COL11A1: variants seen among roughly 807,000 people sequenced by gnomAD.
The protein encoded by COL11A1 is collagen alpha-1(XI) chain.
Under a neutral mutation model 265.2 loss-of-function variants are expected in COL11A1, and 74 were observed. That is an observed-to-expected ratio of 0.28 (90% CI 0.23 to 0.34). The LOEUF (loss-of-function observed/expected upper bound fraction) is 0.34. Among genes scored for constraint, COL11A1 ranks in the 10% least tolerant of loss-of-function variants. The pLI is 1.00. For synonymous variants in COL11A1, 816 were observed against 727.6 expected (o/e 1.12, Z -1.96); for missense variants, 2,165 against 2,263.6 (o/e 0.96, Z 0.88).
chr1:103,080,474 GA>G (rs1277017318), intron 2 of COL11A1, among the ~76,000 whole-genome samples: 2 of 151,556 alleles, frequency 1.3e-5, no homozygotes, highest in African/African-American at 2.4e-5. Context: ...CAACTCAATA[GA>G]AAAAAACAAG....
chr1:102,996,150 G>A (rs1664604904), intron 26 of COL11A1, 108 bp from the exon 27 acceptor site: 2 of 1,102,732 alleles, frequency 1.8e-6, no homozygotes, highest in South Asian at 1.4e-5. Context: ...TTTTTCTACT[G>A]CTAATATTTG....
intron 4 of COL11A1, among the ~76,000 whole-genome samples, chr1:103,055,058 G>A (rs929477047): frequency 1.3e-5 from 2 of 152,158 alleles, no homozygotes; most frequent in African/African-American, 4.8e-5. Flanking sequence ...AGGAAACAGG[G>A]AGACTGGATA....
chr1:102,910,141 T>C (rs1654473418), intron 54 of COL11A1, among the ~76,000 whole-genome samples: 3 of 151,968 alleles, frequency 2.0e-5, no homozygotes, highest in Admixed American at 2.0e-4. Context: ...GATTTACTGG[T>C]TCACACATAT....
chr1:102,933,670 C>T (rs1383086392), intron 46 of COL11A1, among the ~76,000 whole-genome samples: 2 of 152,250 alleles, frequency 1.3e-5, no homozygotes, highest in East Asian at 1.9e-4. Context: ...TGGGCAATGG[C>T]GGGCGCCCCT....
chr1:103,007,034 T>C (rs1665691648), intron 15 of COL11A1, among the ~76,000 whole-genome samples: 1 of 152,074 alleles, frequency 6.6e-6, no homozygotes. Context: ...ATATTTCTCC[T>C]TTCATTGCGC....
At chr1:102,967,303 C>T (rs1466635037) in intron 37 of COL11A1, among the ~76,000 whole-genome samples, 6 of 115,082 alleles carry the variant, frequency 5.2e-5, no homozygotes, top group Middle Eastern at 8.3e-3. Flanking sequence ...TGCAGTGGCG[C>T]GATCTCGGCT....
At chr1:102,983,638 T>A (rs1262648394) in intron 31 of COL11A1, among the ~76,000 whole-genome samples, 1 of 152,082 alleles carries the variant, frequency 6.6e-6, no homozygotes. Flanking sequence ...GATTTCATAC[T>A]TCTGTCCTCC....
intron 4 of COL11A1, among the ~76,000 whole-genome samples, chr1:103,057,565 TTATGAAAAG>T (rs560102185): frequency 2.6e-4 from 39 of 152,298 alleles, no homozygotes; most frequent in African/African-American, 7.7e-4. Flanking sequence ...AGCCATAGCA[TTATGAAAAG>T]TATTTCTTAA....
At chr1:103,027,014 ATAAT>A (rs1264273722) in intron 5 of COL11A1, among the ~76,000 whole-genome samples, 2 of 151,946 alleles carry the variant, frequency 1.3e-5, no homozygotes, top group African/African-American at 2.4e-5. Context: ...AGATGTGCTT[ATAAT>A]TAATACATAA....
intron 41 of COL11A1, among the ~76,000 whole-genome samples, chr1:102,955,209 A>G (rs909661820): frequency 3.3e-5 from 5 of 152,194 alleles, no homozygotes; most frequent in African/African-American, 1.2e-4. Context: ...TGCTGGAAGA[A>G]TAAGTAAAAG....
chr1:102,905,204 C>T (rs1255864199), intron 54 of COL11A1, among the ~76,000 whole-genome samples: 7 of 125,330 alleles, frequency 5.6e-5, no homozygotes, highest in African/African-American at 2.3e-4. Flanking sequence ...AAGGGAACAT[C>T]ACACACCAGG....
At chr1:103,048,251 T>A (rs1185560680) in intron 4 of COL11A1, among the ~76,000 whole-genome samples, 7 of 152,218 alleles carry the variant, frequency 4.6e-5, no homozygotes, top group Admixed American at 3.9e-4. Flanking sequence ...TTTTGGTTGT[T>A]AAGCTATTGA....
At chr1:102,907,480 C>T (rs893912056) in intron 54 of COL11A1, among the ~76,000 whole-genome samples, 2 of 152,028 alleles carry the variant, frequency 1.3e-5, no homozygotes, top group Non-Finnish European at 2.9e-5. Flanking sequence ...CTACATACCA[C>T]TCGTAACAAT....
chr1:102,989,252 A>ATGTG (rs147165560), intron 29 of COL11A1, among the ~76,000 whole-genome samples: 1 of 149,388 alleles, frequency 6.7e-6, no homozygotes, highest in Admixed American at 6.7e-5. Flanking sequence ...GTGTGTGTGC[A>ATGTG]TGTGTGTGTG....
intron 1 of COL11A1, among the ~76,000 whole-genome samples, chr1:103,083,202 T>G (rs1424814993): frequency 2.7e-5 from 4 of 150,942 alleles, no homozygotes; most frequent in African/African-American, 9.8e-5. Flanking sequence ...CAAATTATGG[T>G]TAAGCAACAC....
At chr1:103,043,296 A>T (rs186273900) in intron 4 of COL11A1, among the ~76,000 whole-genome samples, 16 of 151,270 alleles carry the variant, frequency 1.1e-4, no homozygotes, top group Admixed American at 9.3e-4. Context: ...CCAAACAGTA[A>T]GTTTAAGGAT....
chr1:102,913,497 A>C, intron 53 of COL11A1, 140 bp downstream of exon 53: 1 of 735,924 alleles, frequency 1.4e-6, no homozygotes, highest in Admixed American at 2.5e-5. Context: ...ATGGGAATTC[A>C]AAAATTTTTT....
intron 26 of COL11A1, among the ~76,000 whole-genome samples, chr1:102,996,658 G>T (rs1664660410): frequency 6.6e-6 from 1 of 151,686 alleles, no homozygotes; most frequent in African/African-American, 2.4e-5. Flanking sequence ...TACTAACATT[G>T]AATATGCACA....
Position 103,008,803 on chromosome 1 carries a change from A to C in COL11A1, c.1630-287T>G, listed in dbSNP as rs562963655. On this transcript the variant is annotated intron_variant, in intron 14 of 66. Transcript: ENST00000370096. ...CATTGAAATTGTCTTTTGTGTGTGC[A>C]CTATCAGAACTCATATGATGACACA... Among the ~76,000 whole-genome samples the C allele has an allele frequency of 4.7e-4, 71 of 152,322 alleles. 1 individual carries two copies. Among genetic ancestry groups the C allele is most frequent in the African/African-American group, 1.7e-3 (70 of 41,586 alleles).
Sources: gnomAD v4.1 joint callset for allele counts (sites outside exome capture counted in the v4.1 genomes callset) on GRCh38, gnomAD v4.1.1 for gene constraint, MANE v1.5 for transcripts, NCBI Gene and HGNC (gene_info 2026-07-23, HGNC 2026-07-21) for gene names.